The following SOX30 variants were observed in gnomAD, a reference collection of about 807,000 sequenced individuals.
The protein encoded by SOX30 is transcription factor SOX-30.
SOX30 carries 17 observed loss-of-function variants against 58.6 expected under a neutral mutation model. That is an observed-to-expected ratio of 0.29 (90% CI 0.20 to 0.44). The LOEUF is 0.44. Among genes scored for constraint, SOX30 ranks in the 20% least tolerant of loss-of-function variants. The pLI, the probability that SOX30 is intolerant of heterozygous loss-of-function variation, is 1.00. For missense variants in SOX30, 951 were observed against 965.8 expected, an observed-to-expected ratio of 0.98 and a Z score of 0.20; for synonymous variants, 421 against 400.2, an observed-to-expected ratio of 1.05 and a Z score of -0.62.
chr5:157,667,249 C>T (rs1229702852), intron 2 of SOX30, among the ~76,000 whole-genome samples: 1 of 152,208 alleles, frequency 6.6e-6, no homozygotes, highest in Non-Finnish European at 1.5e-5. Context: ...TGGAAAATCT[C>T]TGTGGAGTAT....
In SOX30 at chr5:157,638,593, G is replaced by A; in HGVS notation, c.1517C>T (p.Pro506Leu). 8 of 1,614,110 alleles carry A rather than the reference G, an allele frequency of 5.0e-6. No individual in the cohort carries two copies. Among genetic ancestry groups the A allele is most frequent in the Non-Finnish European group, 6.8e-6 (8 of 1,180,014 alleles). The change falls in exon 4 of 5, where the codon CCA (proline) becomes CTA (leucine). Residue 506 changes from proline to leucine, a missense_variant. Coordinates refer to ENST00000265007, the MANE Select transcript of SOX30 (RefSeq NM_178424.2). ...AVQDPSLPVYPALPPQRFTGP... is the reference protein window; with the variant it reads ...AVQDPSLPVYLALPPQRFTGP... ...AGTAAAGCGTTGGGGTGGGAGTGCT[G>A]GATAGACAGGTAGACTTGGATCCTG...
chr5:157,642,656 AAAAT>A (rs1265704386), intron 3 of SOX30, among the ~76,000 whole-genome samples: 1 of 152,104 alleles, frequency 6.6e-6, no homozygotes, highest in Non-Finnish European at 1.5e-5. Flanking sequence ...AAATAAATAA[AAAAT>A]AACAAAAATA....
At chr5:157,629,048 A>G (rs1354035346) in intron 4 of SOX30, among the ~76,000 whole-genome samples, 1 of 152,208 alleles carries the variant, frequency 6.6e-6, no homozygotes, top group African/African-American at 2.4e-5. Flanking sequence ...CTATGGGTAC[A>G]AACATACAGT....
Position 157,652,037 on chromosome 5 carries a change from C to T in SOX30, c.42G>A (p.Pro14=), listed in dbSNP as rs1406095890. Residue 14 remains proline (P), a synonymous_variant, in exon 1 of 5, where the codon CCG becomes CCA. Transcript: ENST00000265007. ...GCAGCGGGGGCGGAGCGGGACGCAA[C>T]GGGCGCGGCTGAGGCGGCGGCTCGG... ...ARPEPPPQPR[P]LRPAPPPLPV... is the part of the protein sequence containing the mutation. 13 of 1,423,772 alleles carry T rather than the reference C, an allele frequency of 9.1e-6. No homozygotes were observed. The East Asian group carries it at 3.3e-4, about 36-fold the overall frequency. 88.2% of individuals were successfully genotyped at this position (1,423,772 alleles called of 1,614,324 possible).
chr5:157,648,538 C>T, intron 2 of SOX30, 119 bp downstream of exon 2: 2 of 891,510 alleles, frequency 2.2e-6, no homozygotes, highest in East Asian at 2.5e-5. Flanking sequence ...TCATTATTCT[C>T]TTTATTGTAC....
At position 157,626,666 on chromosome 5, in the gene SOX30, G is replaced by A; in HGVS notation, c.1936C>T (p.Pro646Ser). ...FGYGNFPSSM[P>S]ECLSYYEDRY... is the part of the protein sequence containing the mutation. ...TCTTCATAATAACTAAGGCATTCTG[G>A]CATTGAACTCGGAAAATTTCCATAG... The change falls in exon 5 of 5, where the codon CCA becomes TCA. Residue 646 changes from proline to serine, a missense_variant. This residue lies in a region of SOX30 where 381 missense variants were observed against 390.0 expected (regional missense o/e 0.98). Transcript: ENST00000265007. 1 of 1,613,404 alleles carries A rather than the reference G, an allele frequency of 6.2e-7. No individual in the cohort carries two copies. The highest frequency in any genetic ancestry group is 8.5e-7 in the Non-Finnish European group (1 of 1,179,808).
chr5:157,630,772 T>C (rs1758769948), intron 4 of SOX30, among the ~76,000 whole-genome samples: 1 of 149,158 alleles, frequency 6.7e-6, no homozygotes, highest in Non-Finnish European at 1.5e-5. Context: ...TCTTTTTGTG[T>C]ATTTTCTGAA....
At chr5:157,640,501 G>A (rs151051727) in intron 3 of SOX30, among the ~76,000 whole-genome samples, 1 of 151,814 alleles carries the variant, frequency 6.6e-6, no homozygotes, top group African/African-American at 2.4e-5. Context: ...CCATACATGC[G>A]CACTGACCAC....
chr5:157,665,088 C>G (rs937615067), intron 2 of SOX30, among the ~76,000 whole-genome samples: 2 of 152,176 alleles, frequency 1.3e-5, no homozygotes, highest in African/African-American at 4.8e-5. Context: ...CCCAACCATC[C>G]CATTACTGGG....
chr5:157,638,768 C>A (rs2113839293), intron 3 of SOX30, 46 bp from the exon 4 acceptor site: 1 of 1,527,514 alleles, frequency 6.5e-7, no homozygotes, highest in South Asian at 1.3e-5. Context: ...CTGAGTCATT[C>A]CATGTTTTTC....
chr5:157,663,291 G>T (rs1186932252), intron 2 of SOX30, among the ~76,000 whole-genome samples: 1 of 152,146 alleles, frequency 6.6e-6, no homozygotes, highest in Non-Finnish European at 1.5e-5. Context: ...TGCAAGACTG[G>T]TTCAACATAT....
chr5:157,634,023 G>C (rs879702074), intron 4 of SOX30, among the ~76,000 whole-genome samples: 1 of 152,162 alleles, frequency 6.6e-6, no homozygotes, highest in Non-Finnish European at 1.5e-5. Context: ...CACAGAAAGA[G>C]AGCATTTTGA....
intron 2 of SOX30, among the ~76,000 whole-genome samples, chr5:157,663,446 T>G (rs954562838): frequency 6.6e-6 from 1 of 152,178 alleles, no homozygotes; most frequent in African/African-American, 2.4e-5. Context: ...ATTGATGGGA[T>G]GTACCTCAAA....
At chr5:157,658,800 G>C (rs1229574490) in intron 2 of SOX30, among the ~76,000 whole-genome samples, 3 of 152,206 alleles carry the variant, frequency 2.0e-5, no homozygotes, top group African/African-American at 7.2e-5. Context: ...TAGAAGCTGT[G>C]TAAAACGAGG....
chr5:157,626,384 C>G lies in SOX30; in HGVS notation c.2218G>C (p.Asp740His). Residue 740 changes from aspartate to histidine, a missense_variant, in exon 5 of 5, where the codon GAC becomes CAC. Coordinates refer to ENST00000265007, the MANE Select transcript of SOX30 (RefSeq NM_178424.2). The stretch of plus-strand genomic sequence containing the variant: ...TTTTCTTCTTCCTCCTCATCACTGT[C>G]GGTGACATTGACTTGCTGGATGCTA... ...PSSIQQVNVT[D>H]SDEEEEEKVL... 6.2e-7 allele frequency: 1 copy of G among 1,613,682 alleles called. No individual in the cohort carries two copies. The highest frequency in any genetic ancestry group is 8.5e-7 in the Non-Finnish European group (1 of 1,179,714).
chr5:157,667,177 G>A (rs1023435317), intron 2 of SOX30, among the ~76,000 whole-genome samples: 28 of 152,186 alleles, frequency 1.8e-4, no homozygotes, highest in East Asian at 3.9e-4. Flanking sequence ...GGGATGGGAC[G>A]TAGGAGTCCT....
At position 157,661,251 on chromosome 5, in the gene SOX30, A is replaced by G. The variant is rs188892691; in HGVS notation, c.52+6547T>C. Among the ~76,000 whole-genome samples, 6 of 152,288 alleles carry G rather than the reference A, an allele frequency of 3.9e-5. No homozygotes were observed. In the East Asian group the frequency reaches 1.2e-3, roughly 29 times the overall value. Reference sequence around the variant, plus strand: ...AGCATCCAGTCATTCACCTTTAAGCATGTTGTTAGTCATAGGTTTATGTAG... The same window carrying G: ...AGCATCCAGTCATTCACCTTTAAGCGTGTTGTTAGTCATAGGTTTATGTAG... On this transcript the variant is annotated intron_variant, in intron 2 of 5. Transcript: ENST00000519442.
At chr5:157,666,665 C>T (rs1265715631) in intron 2 of SOX30, among the ~76,000 whole-genome samples, 1 of 152,164 alleles carries the variant, frequency 6.6e-6, no homozygotes, top group Non-Finnish European at 1.5e-5. Context: ...ATCCTCCCAA[C>T]AGCAGAATAG....
intron 1 of SOX30, among the ~76,000 whole-genome samples, chr5:157,668,838 G>A (rs780642057): frequency 8.5e-5 from 13 of 152,116 alleles, no homozygotes; most frequent in Non-Finnish European, 1.8e-4. Context: ...TCATCGATGG[G>A]TGACTGAGCC....
Sources: allele counts gnomAD v4.1 joint callset (sites outside exome capture counted in the v4.1 genomes callset), GRCh38; gene constraint gnomAD v4.1.1; regional missense constraint gnomAD v4.1.1; transcripts MANE v1.5; gene names NCBI Gene and HGNC (gene_info 2026-07-23, HGNC 2026-07-21).